The following GALNTL5 variants were observed in gnomAD, a reference collection of about 807,000 sequenced individuals.
GALNTL5 encodes polypeptide N-acetylgalactosaminyltransferase like 5.
In GALNTL5, 44 loss-of-function variants were observed where a neutral mutation model predicts 51.0. That is an observed-to-expected ratio of 0.86 (90% CI 0.68 to 1.11). The LOEUF (loss-of-function observed/expected upper bound fraction) is 1.11, where lower values mean the gene tolerates loss of function less well. GALNTL5 is among the 50% of genes least tolerant of loss of function. The pLI is 0.00. For missense variants in GALNTL5, 528 were observed against 531.8 expected, an observed-to-expected ratio of 0.99 and a Z score of 0.07; for synonymous variants, 192 against 182.8, an observed-to-expected ratio of 1.05 and a Z score of -0.41.
At chr7:152,010,840 G>C (rs2081727143) in intron 7 of GALNTL5, among the ~76,000 whole-genome samples, 1 of 151,992 alleles carries the variant, frequency 6.6e-6, no homozygotes, top group Non-Finnish European at 1.5e-5. Context: ...TCTAAAAGGA[G>C]AACCTAGCCT....
chr7:151,971,114 G>C, intron 3 of GALNTL5, 49 bp downstream of exon 3: 1 of 1,239,480 alleles, frequency 8.1e-7, no homozygotes, highest in Non-Finnish European at 1.2e-6. Flanking sequence ...TAGATAGATA[G>C]ATAGATAGAT....
rs1050382061 is a variant in GALNTL5 at position 151,980,896 on chromosome 7, C to T, written c.369-2090C>T. Among the ~76,000 whole-genome samples, 3 of 150,146 alleles carry T rather than the reference C, an allele frequency of 2.0e-5. 1 individual carries two copies. Among genetic ancestry groups the T allele is most frequent in the African/African-American group, 7.5e-5 (3 of 39,806 alleles). The stretch of plus-strand genomic sequence containing the variant: ...AAGTAGCTGGGACTACAGGCACCCG[C>T]CACTGCGCCCGGCTAAATTTTTGTA... On this transcript the variant is annotated intron_variant, in intron 3 of 8. Coordinates refer to ENST00000392800, the MANE Select transcript of GALNTL5 (RefSeq NM_145292.4).
chr7:152,019,800 G>C lies in GALNTL5; in HGVS notation c.1331G>C (p.Ter444SerextTer12). The C allele has an allele frequency of 3.1e-6, 5 of 1,605,506 alleles. No individual in the cohort carries two copies. The highest frequency in any genetic ancestry group is 4.3e-6 in the Non-Finnish European group (5 of 1,174,996). The change falls in exon 9 of 9, where the codon TGA becomes TCA. Residue 444 changes from the stop codon to serine (S), a stop_lost. Transcript: ENST00000392800. ...PELEASVNSL* is the reference protein window; with the variant it reads ...PELEASVNSLS The stretch of plus-strand genomic sequence containing the variant: ...TTGGAGGCATCTGTGAACAGCCTGT[G>C]AAAGGAAAACAAATCACTTTCATTA...
At chr7:151,995,889 A>G (rs1005474756) in intron 5 of GALNTL5, among the ~76,000 whole-genome samples, 2 of 152,132 alleles carry the variant, frequency 1.3e-5, no homozygotes, top group Admixed American at 1.3e-4. Flanking sequence ...AAAGAAGCTA[A>G]GCTCCCGAAA....
chr7:151,997,263 T>C (rs1177764339), intron 5 of GALNTL5, among the ~76,000 whole-genome samples: 1 of 152,216 alleles, frequency 6.6e-6, no homozygotes, highest in African/African-American at 2.4e-5. Flanking sequence ...AAAGAGAATC[T>C]GATGAATGTC....
intron 5 of GALNTL5, among the ~76,000 whole-genome samples, chr7:151,990,579 T>A (rs866479935): frequency 3.6e-3 from 1 of 278 alleles, no homozygotes; most frequent in Non-Finnish European, 0.042. Context: ...AGACTCCATC[T>A]CAAAAAAAAA....
chr7:151,971,489 CAT>C (rs1292307561), intron 3 of GALNTL5, among the ~76,000 whole-genome samples: 1 of 152,130 alleles, frequency 6.6e-6, no homozygotes, highest in Non-Finnish European at 1.5e-5. Context: ...TAATGATTAA[CAT>C]AATCATTGTT....
intron 1 of GALNTL5, chr7:151,960,495 A>C (rs6464186): frequency 0.23 from 34,800 of 152,176 alleles, 4,606 homozygotes; most frequent in African/African-American, 0.33. Context: ...GAAGAAGACT[A>C]TTCGACTAAG....
At chr7:151,959,359 G>A (rs962307055) in intron 1 of GALNTL5, among the ~76,000 whole-genome samples, 2 of 151,992 alleles carry the variant, frequency 1.3e-5, no homozygotes, top group African/African-American at 4.8e-5. Context: ...AATTAAAACA[G>A]CTTTATTCTC....
intron 1 of GALNTL5, among the ~76,000 whole-genome samples, chr7:151,962,582 A>C (rs919931272): frequency 6.7e-6 from 1 of 149,756 alleles, no homozygotes; most frequent in African/African-American, 2.5e-5. Context: ...GGTTGCATTC[A>C]ATGTCCTGGG....
At chr7:152,004,786 T>C (rs983686280) in intron 6 of GALNTL5, among the ~76,000 whole-genome samples, 1 of 152,270 alleles carries the variant, frequency 6.6e-6, no homozygotes, top group African/African-American at 2.4e-5. Context: ...CATCATTTTA[T>C]TCTTTTTTAT....
intron 1 of GALNTL5, among the ~76,000 whole-genome samples, chr7:151,958,388 G>A (rs1330324866): frequency 1.3e-5 from 2 of 152,208 alleles, no homozygotes; most frequent in East Asian, 3.9e-4. Context: ...TGAAAACTCA[G>A]AGATGCCAAC....
chr7:151,982,903 A>C, intron 3 of GALNTL5, 83 bp from the exon 4 acceptor site: 1 of 1,610,114 alleles, frequency 6.2e-7, no homozygotes, highest in South Asian at 1.1e-5. Context: ...AAAGATGCAA[A>C]TAAGGAGAAG....
intron 3 of GALNTL5, among the ~76,000 whole-genome samples, chr7:151,976,501 T>C (rs2081207280): frequency 6.6e-6 from 1 of 152,168 alleles, no homozygotes; most frequent in Non-Finnish European, 1.5e-5. Flanking sequence ...TCACTTTTAA[T>C]CCTTGTATAT....
At chr7:151,969,488 C>T (rs898469812) in intron 2 of GALNTL5, among the ~76,000 whole-genome samples, 1 of 152,064 alleles carries the variant, frequency 6.6e-6, no homozygotes, top group Admixed American at 6.5e-5. Context: ...GATGCAAGAG[C>T]GGGTGTCTGG....
At chr7:151,994,465 G>A (rs1586836599) in intron 5 of GALNTL5, among the ~76,000 whole-genome samples, 1 of 151,948 alleles carries the variant, frequency 6.6e-6, no homozygotes, top group Non-Finnish European at 1.5e-5. Flanking sequence ...CTCCAGTAGG[G>A]CCTGCCGTGA....
At chr7:151,972,487 T>C (rs1468215147) in intron 3 of GALNTL5, among the ~76,000 whole-genome samples, 1 of 139,686 alleles carries the variant, frequency 7.2e-6, no homozygotes, top group African/African-American at 2.7e-5. Flanking sequence ...GGAAAATGTC[T>C]CCAGGGCATT....
At chr7:151,998,284 T>A (rs935619317) in intron 5 of GALNTL5, among the ~76,000 whole-genome samples, 1 of 152,076 alleles carries the variant, frequency 6.6e-6, no homozygotes, top group Admixed American at 6.6e-5. Flanking sequence ...CTTGCCTGTT[T>A]TATGAATAAA....
At chr7:151,979,942 A>G (rs1291982156) in intron 3 of GALNTL5, among the ~76,000 whole-genome samples, 1 of 152,214 alleles carries the variant, frequency 6.6e-6, no homozygotes, top group Non-Finnish European at 1.5e-5. Context: ...AGGACTGACT[A>G]TAACATCAGA....
Sources: allele counts gnomAD v4.1 joint callset (sites outside exome capture counted in the v4.1 genomes callset), GRCh38; gene constraint gnomAD v4.1.1; transcripts MANE v1.5; gene names NCBI Gene and HGNC (gene_info 2026-07-23, HGNC 2026-07-21).